The following WNK1 variants were observed in gnomAD, a reference collection of about 807,000 sequenced individuals.
The protein encoded by WNK1 is WNK lysine deficient protein kinase 1.
A neutral mutation model predicts 222.8 loss-of-function variants in WNK1; 38 were observed. The ratio of observed to expected loss-of-function variants is 0.17; its 90% CI spans 0.13 to 0.22. The LOEUF is 0.22. Ranked by LOEUF, WNK1 falls within the 10% of genes least tolerant of loss-of-function variation. The pLI is 1.00. For synonymous variants in WNK1, 1,090 were observed against 1,092.9 expected (o/e 1.00, Z 0.05); for missense variants, 2,348 against 2,918.4 (o/e 0.80, Z 4.50).
chr12:802,035 T>G (rs558292839), intron 1 of WNK1, among the ~76,000 whole-genome samples: 161 of 152,214 alleles, frequency 1.1e-3, no homozygotes, highest in African/African-American at 3.8e-3. Context: ...TGTAAGAATA[T>G]TAGTAAAATT....
intron 1 of WNK1, among the ~76,000 whole-genome samples, chr12:760,923 A>G (rs1470392617): frequency 2.8e-5 from 4 of 141,230 alleles, no homozygotes; most frequent in Non-Finnish European, 6.3e-5. Flanking sequence ...ACAGGCACCC[A>G]CAACCACACC....
chr12:812,106 T>C (rs1296587218), intron 1 of WNK1, among the ~76,000 whole-genome samples: 1 of 152,190 alleles, frequency 6.6e-6, no homozygotes. Flanking sequence ...AATAAGTAGT[T>C]GGCAGCTTTT....
Position 760,809 on chromosome 12 carries a change from A to G in WNK1, c.759+6485A>G, listed in dbSNP as rs138616178. On this transcript the variant is annotated intron_variant, in intron 1 of 27. Transcript: ENST00000315939. ...TTGATGGGGTCTTGCTCTGTCGCCC[A>G]GGCTGGAGTGCAGTGGCGTGATCTT... Among the ~76,000 whole-genome samples, 390 of 146,618 alleles carry G rather than the reference A, an allele frequency of 2.7e-3. 10 individuals carry two copies. The highest frequency in any genetic ancestry group is 9.2e-3 in the African/African-American group (377 of 41,004).
Position 883,496 on chromosome 12 carries a change from TGTGG to T in WNK1, c.3592_3595del (p.Val1198AsnfsTer42). The T allele has an allele frequency of 6.2e-7, 1 of 1,614,170 alleles. No homozygotes were observed. Among genetic ancestry groups the T allele is most frequent in the Non-Finnish European group, 8.5e-7 (1 of 1,180,018 alleles). On this transcript the variant is annotated frameshift_variant, in exon 16 of 28. Coordinates refer to ENST00000315939, the MANE Select transcript of WNK1 (RefSeq NM_018979.4). LOFTEE classifies it high-confidence loss of function. ...ATGAAATGCTCAGTGAGGATGTCAG[TGTGG>T]AACCAGAGGGTGATCAGGGATTGGA... is the stretch of plus-strand genomic sequence containing the variant.
At chr12:819,927 G>C (rs1248658581) in intron 2 of WNK1, among the ~76,000 whole-genome samples, 1 of 152,090 alleles carries the variant, frequency 6.6e-6, no homozygotes, top group Non-Finnish European at 1.5e-5. Flanking sequence ...CTACATGTCT[G>C]TTCTTATGCC....
intron 2 of WNK1, among the ~76,000 whole-genome samples, chr12:826,811 T>C (rs927474461): frequency 6.6e-6 from 1 of 152,202 alleles, no homozygotes; most frequent in Non-Finnish European, 1.5e-5. Flanking sequence ...TATCATTGTT[T>C]AGATGAAAAA....
intron 4 of WNK1, among the ~76,000 whole-genome samples, chr12:836,917 G>A (rs1325079383): frequency 6.6e-6 from 1 of 151,770 alleles, no homozygotes; most frequent in South Asian, 2.1e-4. Context: ...TTTTGTATGT[G>A]CATACTAAAA....
In WNK1 at chr12:900,391, A is replaced by G; in HGVS notation, c.6449-85A>G. ...GACCCATCATTCATCACTCAGTGGA[A>G]CAAACCAAATGTATAAGAACAGTGC... On this transcript the variant is annotated intron_variant, in intron 25 of 27. Transcript: ENST00000315939. 2.0e-6 allele frequency: 3 copies of G among 1,490,464 alleles called. No homozygotes were observed. The South Asian group carries it at 3.4e-5, about 17-fold the overall frequency. 92.3% of individuals were successfully genotyped at this position (1,490,464 alleles called of 1,614,324 possible).
At chr12:901,311 C>G (rs118138449) in intron 26 of WNK1, among the ~76,000 whole-genome samples, 2,727 of 152,316 alleles carry the variant, frequency 0.018, 43 homozygotes, top group Middle Eastern at 0.054. Flanking sequence ...AGGAAGAATG[C>G]ACTTGATTGG....
At chr12:886,124 A>G in intron 19 of WNK1, 40 bp downstream of exon 19, 1 of 1,379,084 alleles carries the variant, frequency 7.3e-7, no homozygotes, top group Non-Finnish European at 9.5e-7. Flanking sequence ...AAATATGATC[A>G]GTTTTTTTTC....
intron 4 of WNK1, among the ~76,000 whole-genome samples, chr12:849,770 A>C (rs1188340986): frequency 2.1e-5 from 3 of 145,440 alleles, no homozygotes; most frequent in African/African-American, 2.6e-5. Flanking sequence ...TCCTGTGTCC[A>C]TGTGTTCTCA....
Position 878,231 on chromosome 12 carries a change from C to T in WNK1, c.2243C>T (p.Thr748Ile). ...TCTTAGCAGCAGGGAATACAGCAGA[C>T]AGCCCCTCCTCAACAGACAGTGCAG... ...HPQQQQGIQQ[T>I]APPQQTVQYS... The change falls in exon 10 of 28, where the codon ACA (threonine) becomes ATA (isoleucine). Residue 748 changes from threonine (T) to isoleucine (I), a missense_variant. Thr to Ile is a moderately conservative substitution (Grantham distance 89). This residue lies in a region of WNK1 where 547 missense variants were observed against 558.3 expected (regional missense o/e 0.98). Coordinates refer to ENST00000315939, the MANE Select transcript of WNK1 (RefSeq NM_018979.4). The T allele has an allele frequency of 1.2e-6, 2 of 1,614,132 alleles. No individual in the cohort carries two copies. The highest frequency in any genetic ancestry group is 1.7e-6 in the Non-Finnish European group (2 of 1,180,022).
chr12:868,103 A>G, intron 8 of WNK1: 1 of 1,614,006 alleles, frequency 6.2e-7, no homozygotes, highest in East Asian at 2.2e-5. Flanking sequence ...CAGCCCAACT[A>G]ACTGGACACC....
intron 8 of WNK1, chr12:868,925 C>A (rs1951909332): frequency 1.3e-6 from 2 of 1,593,550 alleles, no homozygotes; most frequent in Admixed American, 1.7e-5. Context: ...TTTTCAGTCA[C>A]CTCCCCCTAC....
rs920168458 is a variant in WNK1 at position 822,786 on chromosome 12, G to T, written c.933-4256G>T. 9.2e-5 allele frequency among the ~76,000 whole-genome samples: 14 copies of T among 152,124 alleles called. 1 individual carries two copies. The highest frequency in any genetic ancestry group is 7.2e-4 in the Admixed American group (11 of 15,274). On this transcript the variant is annotated intron_variant, in intron 2 of 27. Coordinates refer to ENST00000315939, the MANE Select transcript of WNK1 (RefSeq NM_018979.4). Reference sequence around the variant, plus strand: ...CTTTTAAATCATGTAGGAAATAAAAGGAATTATAAACCAAAAATACATTAA... The same window carrying T: ...CTTTTAAATCATGTAGGAAATAAAATGAATTATAAACCAAAAATACATTAA...
At chr12:775,169 G>A (rs887967185) in intron 1 of WNK1, among the ~76,000 whole-genome samples, 4 of 152,084 alleles carry the variant, frequency 2.6e-5, no homozygotes, top group Non-Finnish European at 5.9e-5. Flanking sequence ...ACAAAAAATA[G>A]ATTTTTAAAA....
chr12:868,810 A>T (rs1565550358), intron 8 of WNK1: 2 of 1,614,054 alleles, frequency 1.2e-6, no homozygotes, highest in Non-Finnish European at 1.7e-6. Context: ...ACCATGCCCC[A>T]GAATTGACCG....
intron 4 of WNK1, among the ~76,000 whole-genome samples, chr12:848,459 A>T (rs997094752): frequency 6.7e-6 from 1 of 149,770 alleles, no homozygotes. Context: ...TAATACAAAA[A>T]CAATGACTTG....
At chr12:796,527 T>C (rs939316229) in intron 1 of WNK1, among the ~76,000 whole-genome samples, 2 of 152,186 alleles carry the variant, frequency 1.3e-5, no homozygotes, top group African/African-American at 4.8e-5. Context: ...CCACCCACCT[T>C]GGCCTCCCAA....
Sources: gnomAD v4.1 joint callset for allele counts (sites outside exome capture counted in the v4.1 genomes callset) on GRCh38, gnomAD v4.1.1 for gene constraint, gnomAD v4.1.1 regional missense constraint, MANE v1.5 for transcripts, NCBI Gene and HGNC (gene_info 2026-07-23, HGNC 2026-07-21) for gene names.